HDAC9: variants seen among roughly 807,000 people sequenced by gnomAD.
The protein encoded by HDAC9 is histone deacetylase 9.
A neutral mutation model predicts 139.4 loss-of-function variants in HDAC9; 41 were observed. The observed-to-expected ratio is 0.29, with a 90% CI of 0.23 to 0.38. HDAC9 has a LOEUF of 0.38. Among genes scored for constraint, HDAC9 ranks in the 10% least tolerant of loss-of-function variants. The pLI, the probability that HDAC9 is intolerant of heterozygous loss-of-function variation, is 1.00. For missense variants in HDAC9, 1,147 were observed against 1,297.0 expected, an observed-to-expected ratio of 0.88 and a Z score of 1.78; for synonymous variants, 517 against 476.2, an observed-to-expected ratio of 1.09 and a Z score of -1.12.
intron 2 of HDAC9, among the ~76,000 whole-genome samples, chr7:18,575,422 A>G (rs1177917481): frequency 1.3e-5 from 2 of 152,248 alleles, no homozygotes; most frequent in East Asian, 3.8e-4. Flanking sequence ...GTATTCAATC[A>G]TGAATTAGCC....
intron 17 of HDAC9, among the ~76,000 whole-genome samples, chr7:18,799,825 A>G (rs1224440518): frequency 6.6e-6 from 1 of 152,210 alleles, no homozygotes; most frequent in Non-Finnish European, 1.5e-5. Flanking sequence ...CAGAGAAGAA[A>G]AGAGAAAGGG....
At chr7:18,912,037 G>A (rs1802784776) in intron 22 of HDAC9, among the ~76,000 whole-genome samples, 2 of 151,724 alleles carry the variant, frequency 1.3e-5, no homozygotes, top group African/African-American at 2.4e-5. Context: ...CAAAGTTTCT[G>A]TGTGGATTTT....
At chr7:18,524,538 T>C (rs1476629037) in intron 2 of HDAC9, among the ~76,000 whole-genome samples, 4 of 152,174 alleles carry the variant, frequency 2.6e-5, no homozygotes, top group Non-Finnish European at 5.9e-5. Context: ...TAGCAACATA[T>C]TATGTTTTGT....
At chr7:18,824,084 G>GAAGAAC (rs1375189154) in intron 17 of HDAC9, among the ~76,000 whole-genome samples, 44 of 144,374 alleles carry the variant, frequency 3.0e-4, no homozygotes, top group Admixed American at 1.6e-3. Context: ...AGAAGAAGAA[G>GAAGAAC]AAGAACAAGA....
intron 1 of HDAC9, among the ~76,000 whole-genome samples, chr7:18,137,934 C>A (rs1430970947): frequency 6.6e-6 from 1 of 151,436 alleles, no homozygotes; most frequent in Non-Finnish European, 1.5e-5. Flanking sequence ...CCATCTGGTC[C>A]TGGACTCTTT....
At chr7:18,686,621 T>A (rs1394111216) in intron 12 of HDAC9, among the ~76,000 whole-genome samples, 1 of 151,960 alleles carries the variant, frequency 6.6e-6, no homozygotes, top group African/African-American at 2.4e-5. Context: ...CCTCTTAGAA[T>A]ATCTAGAGAA....
At chr7:18,655,472 G>A (rs568265942) in intron 11 of HDAC9, among the ~76,000 whole-genome samples, 17 of 152,170 alleles carry the variant, frequency 1.1e-4, no homozygotes, top group Non-Finnish European at 1.8e-4. Flanking sequence ...TAAATACGTA[G>A]TACTAGGTCT....
At chr7:18,950,201 TCTC>T (rs1782695781) in intron 23 of HDAC9, among the ~76,000 whole-genome samples, 1 of 152,072 alleles carries the variant, frequency 6.6e-6, no homozygotes, top group East Asian at 1.9e-4. Context: ...AGCAACCTTT[TCTC>T]CTCTAATTAT....
chr7:18,471,783 G>T (rs537313477), intron 1 of HDAC9, among the ~76,000 whole-genome samples: 5 of 152,106 alleles, frequency 3.3e-5, no homozygotes, highest in Non-Finnish European at 5.9e-5. Context: ...TGGGTCAGGG[G>T]GACCATTATG....
chr7:18,436,097 C>T (rs993600319), intron 1 of HDAC9, among the ~76,000 whole-genome samples: 1 of 151,886 alleles, frequency 6.6e-6, no homozygotes, highest in Non-Finnish European at 1.5e-5. Context: ...GGATTACAGG[C>T]GTGAACAACT....
At chr7:18,988,537 C>T (rs1785573990) in intron 25 of HDAC9, among the ~76,000 whole-genome samples, 1 of 151,890 alleles carries the variant, frequency 6.6e-6, no homozygotes. Flanking sequence ...AATGTATATT[C>T]TGTTGATTTG....
chr7:18,952,948 C>T (rs1782902728), intron 23 of HDAC9, among the ~76,000 whole-genome samples: 1 of 151,650 alleles, frequency 6.6e-6, no homozygotes, highest in African/African-American at 2.4e-5. Flanking sequence ...GTATAAATAT[C>T]CCTGAGCTAG....
chr7:18,418,226 C>T (rs1299452380), intron 1 of HDAC9, among the ~76,000 whole-genome samples: 1 of 152,128 alleles, frequency 6.6e-6, no homozygotes, highest in Non-Finnish European at 1.5e-5. Context: ...AAGTTGAAGG[C>T]AGAACTTCCT....
intron 21 of HDAC9, among the ~76,000 whole-genome samples, chr7:18,847,149 G>T (rs1222519639): frequency 1.3e-5 from 2 of 152,142 alleles, no homozygotes; most frequent in Non-Finnish European, 2.9e-5. Context: ...ATCAACATCA[G>T]CTCTTCTCAG....
chr7:18,169,565 C>G (rs748510958), intron 2 of HDAC9, among the ~76,000 whole-genome samples: 1 of 152,010 alleles, frequency 6.6e-6, no homozygotes, highest in Non-Finnish European at 1.5e-5. Flanking sequence ...CACCCATTAA[C>G]TCATCATTTA....
chr7:18,990,532 C>T (rs931832442), intron 25 of HDAC9, among the ~76,000 whole-genome samples: 5 of 152,218 alleles, frequency 3.3e-5, no homozygotes, highest in Non-Finnish European at 5.9e-5. Context: ...AGAGGTGGAG[C>T]CTATAGAGGC....
At chr7:18,975,341 C>A (rs1266219703) in intron 24 of HDAC9, among the ~76,000 whole-genome samples, 2 of 152,212 alleles carry the variant, frequency 1.3e-5, no homozygotes, top group Non-Finnish European at 2.9e-5. Flanking sequence ...TTCATGCTGG[C>A]ATTTCTGGGC....
intron 23 of HDAC9, among the ~76,000 whole-genome samples, chr7:18,947,285 G>A (rs1268891789): frequency 1.3e-5 from 2 of 151,848 alleles, no homozygotes; most frequent in Non-Finnish European, 2.9e-5. Context: ...TAGAAAACAA[G>A]CATATATGTA....
intron 1 of HDAC9, among the ~76,000 whole-genome samples, chr7:18,464,816 G>T (rs942986217): frequency 6.6e-6 from 1 of 151,946 alleles, no homozygotes; most frequent in African/African-American, 2.4e-5. Flanking sequence ...CCCCTCTTTG[G>T]TGAGTTCTGG....
Sources: gnomAD v4.1 joint callset for allele counts (sites outside exome capture counted in the v4.1 genomes callset) on GRCh38, gnomAD v4.1.1 for gene constraint, MANE v1.5 for transcripts, NCBI Gene and HGNC (gene_info 2026-07-23, HGNC 2026-07-21) for gene names.